OSBPL10: variants seen among roughly 807,000 people sequenced by gnomAD.
OSBPL10 encodes the protein oxysterol binding protein like 10, also known as oxysterol-binding protein-related protein 10.
A neutral mutation model predicts 81.7 loss-of-function variants in OSBPL10; 49 were observed. The observed-to-expected ratio is 0.60, with a 90% CI of 0.48 to 0.76. OSBPL10 has a LOEUF of 0.76. Among genes scored for constraint, OSBPL10 ranks in the 30% least tolerant of loss-of-function variants. The pLI, the probability that OSBPL10 is intolerant of heterozygous loss-of-function variation, is 0.00. For missense variants in OSBPL10, 923 were observed against 987.8 expected, an observed-to-expected ratio of 0.93 and a Z score of 0.88; for synonymous variants, 419 against 383.6, an observed-to-expected ratio of 1.09 and a Z score of -1.08.
At position 31,684,159 on chromosome 3, in the gene OSBPL10, C is replaced by T. The variant is rs9681442; in HGVS notation, c.1246-45G>A. 8,171 of 1,593,304 alleles carry T rather than the reference C, an allele frequency of 5.1e-3. 377 individuals are homozygous for T. The African/African-American group carries it at 0.096, about 19-fold the overall frequency. ...AAGTCAGACAATCCCTGGGATTACA[C>T]GGAAAAGCTGAAAAGAAAGGTAAAG... On this transcript the variant is annotated intron_variant, in intron 7 of 11. Coordinates refer to ENST00000396556, the MANE Select transcript of OSBPL10 (RefSeq NM_017784.5).
chr3:31,887,104 T>C (rs1002082463), intron 1 of OSBPL10, among the ~76,000 whole-genome samples: 5 of 152,106 alleles, frequency 3.3e-5, no homozygotes, highest in Non-Finnish European at 5.9e-5. Flanking sequence ...AAGATTTGCC[T>C]GGTACAAGGT....
rs187041662 is a variant in OSBPL10 at position 31,922,573 on chromosome 3, G to A, written c.282-42743C>T. Among the ~76,000 whole-genome samples, 13 of 152,024 alleles carry A rather than the reference G, an allele frequency of 8.6e-5. No individual in the cohort carries two copies. In the East Asian group the frequency reaches 2.5e-3, roughly 29 times the overall value. On this transcript the variant is annotated intron_variant, in intron 1 of 11. Coordinates refer to ENST00000396556, the MANE Select transcript of OSBPL10 (RefSeq NM_017784.5). ...GCGGAGGTTGCAGTTAGCCTGGATC[G>A]CACCATTGCACTCCAGCCTGGGCAA...
rs1575067620 is a variant in OSBPL10, at chr3:31,967,407, G to C, written c.281+13492C>G. On this transcript the variant is annotated intron_variant, in intron 1 of 11. Coordinates refer to ENST00000396556, the MANE Select transcript of OSBPL10 (RefSeq NM_017784.5). ...AGGCAGGAGGATCGCTTGAACCCAG[G>C]AGGTTGAGGCTACAATGAGCTGTGA... Among the ~76,000 whole-genome samples, 4 of 152,018 alleles carry C rather than the reference G, an allele frequency of 2.6e-5. No homozygotes were observed. The South Asian group carries it at 8.3e-4, about 31-fold the overall frequency.
intron 2 of OSBPL10, among the ~76,000 whole-genome samples, chr3:32,044,545 C>T (rs1489034719): frequency 6.6e-6 from 1 of 151,064 alleles, no homozygotes. Context: ...AGTTAGCGAC[C>T]AAGCCTGACC....
intron 3 of OSBPL10, among the ~76,000 whole-genome samples, chr3:31,862,040 G>T (rs1309993643): frequency 1.3e-5 from 2 of 152,132 alleles, no homozygotes; most frequent in African/African-American, 4.8e-5. Flanking sequence ...CCCATGCCTG[G>T]AACTGTCAGC....
At chr3:32,034,549 G>C (rs555686130) in intron 2 of OSBPL10, among the ~76,000 whole-genome samples, 1 of 152,048 alleles carries the variant, frequency 6.6e-6, no homozygotes, top group South Asian at 2.1e-4. Context: ...TCAATCACAG[G>C]CTCCAGAACA....
intron 1 of OSBPL10, among the ~76,000 whole-genome samples, chr3:31,951,471 A>G (rs933680008): frequency 9.2e-5 from 14 of 152,050 alleles, no homozygotes; most frequent in Non-Finnish European, 1.9e-4. Context: ...GAGGGGAGGA[A>G]AGGATTGAGT....
rs935112046 is a variant in OSBPL10, at chr3:32,042,509, G to A, written n.298+3982C>T. Reference sequence around the variant, plus strand: ...TTCCATGGTCAGAATGGATCCCTTAGTCTGACTTGTGTAAGATTTAGTTGT... The same window carrying A: ...TTCCATGGTCAGAATGGATCCCTTAATCTGACTTGTGTAAGATTTAGTTGT... On this transcript the variant is annotated intron_variant and non_coding_transcript_variant, in intron 2 of 3. Transcript: ENST00000479173. 7.2e-5 allele frequency among the ~76,000 whole-genome samples: 11 copies of A among 152,118 alleles called. 1 individual carries two copies. Among genetic ancestry groups the A allele is most frequent in the African/African-American group, 2.2e-4 (9 of 41,408 alleles).
intron 1 of OSBPL10, among the ~76,000 whole-genome samples, chr3:31,935,496 TCTACTC>T (rs1367446666): frequency 6.6e-6 from 1 of 151,028 alleles, no homozygotes; most frequent in Non-Finnish European, 1.5e-5. Context: ...GAAAAAAAAA[TCTACTC>T]CTATGAAATA....
intron 7 of OSBPL10, among the ~76,000 whole-genome samples, chr3:31,687,467 T>A (rs2125557453): frequency 6.8e-6 from 1 of 146,224 alleles, no homozygotes; most frequent in East Asian, 1.9e-4. Context: ...GCTGAAGGAT[T>A]TAAAAAAAAA....
rs1192227842 is a variant in OSBPL10 at position 31,748,135 on chromosome 3, G to A, written c.730-15C>T. On this transcript the variant is annotated splice_polypyrimidine_tract_variant and intron_variant, in intron 4 of 11. Transcript: ENST00000396556. ...TGGTTCATCATCTACAAAACAAGAA[G>A]ACAGTAAGGAGGTGAGGGGCGGAAG... The A allele has an allele frequency of 1.2e-6, 2 of 1,601,488 alleles. No individual in the cohort carries two copies. The highest frequency in any genetic ancestry group is 1.7e-6 in the Non-Finnish European group (2 of 1,173,388).
At chr3:32,051,976 A>C (rs927703682) in intron 1 of OSBPL10, among the ~76,000 whole-genome samples, 1 of 152,138 alleles carries the variant, frequency 6.6e-6, no homozygotes, top group African/African-American at 2.4e-5. Flanking sequence ...GGCCGGGTGC[A>C]GTGGCTCATG....
intron 1 of OSBPL10, among the ~76,000 whole-genome samples, chr3:31,965,261 T>C (rs561209967): frequency 6.7e-6 from 1 of 149,874 alleles, no homozygotes; most frequent in African/African-American, 2.5e-5. Flanking sequence ...TCCCAGCTAC[T>C]CGGGAAGCTA....
intron 7 of OSBPL10, among the ~76,000 whole-genome samples, chr3:31,685,884 G>A (rs1700780200): frequency 6.6e-6 from 1 of 152,216 alleles, no homozygotes; most frequent in Admixed American, 6.5e-5. Context: ...TCTCCCAAAT[G>A]TGTGTTGCAA....
rs548946776 is a variant in OSBPL10, at chr3:31,740,950, T to C, written c.940+6960A>G. On this transcript the variant is annotated intron_variant, in intron 5 of 11. Transcript: ENST00000396556. ...AAAATAGAAAACATGAAAAGCAGTATGGAAATAAAAACAAAAATCATAAGG... is the reference window on the plus strand; with the variant it reads ...AAAATAGAAAACATGAAAAGCAGTACGGAAATAAAAACAAAAATCATAAGG... 2.1e-4 allele frequency among the ~76,000 whole-genome samples: 31 copies of C among 149,670 alleles called. No individual in the cohort carries two copies. The Middle Eastern group carries it at 0.01, about 49-fold the overall frequency.
At chr3:32,014,524 GA>G (rs1420570970) in intron 2 of OSBPL10, among the ~76,000 whole-genome samples, 2 of 152,114 alleles carry the variant, frequency 1.3e-5, no homozygotes, top group East Asian at 1.9e-4. Flanking sequence ...CATTCCCTTT[GA>G]AAACTGGCAC....
chr3:32,005,312 A>T (rs1699193524), intron 2 of OSBPL10, among the ~76,000 whole-genome samples: 1 of 152,136 alleles, frequency 6.6e-6, no homozygotes, highest in Non-Finnish European at 1.5e-5. Flanking sequence ...GCTGGAAAGT[A>T]TTCCACAGGT....
chr3:31,861,291 G>A (rs1352395155), intron 3 of OSBPL10, among the ~76,000 whole-genome samples: 1 of 152,078 alleles, frequency 6.6e-6, no homozygotes, highest in Non-Finnish European at 1.5e-5. Context: ...AGATGCCCAA[G>A]TCCCTGATAT....
chr3:31,870,900 C>T (rs534298983), intron 3 of OSBPL10, among the ~76,000 whole-genome samples: 1 of 152,326 alleles, frequency 6.6e-6, no homozygotes, highest in East Asian at 1.9e-4. Context: ...CTGTATCTAG[C>T]TGCTCTGGTG....
Sources: allele counts gnomAD v4.1 joint callset (sites outside exome capture counted in the v4.1 genomes callset), GRCh38; gene constraint gnomAD v4.1.1; transcripts MANE v1.5; gene names NCBI Gene and HGNC (gene_info 2026-07-23, HGNC 2026-07-21).